ANXA4: variants seen among roughly 807,000 people sequenced by gnomAD.
ANXA4 encodes the protein annexin A4.
ANXA4 carries 39 observed loss-of-function variants against 49.8 expected under a neutral mutation model. The ratio of observed to expected loss-of-function variants is 0.78; its 90% CI spans 0.61 to 1.02. The LOEUF (loss-of-function observed/expected upper bound fraction) is 1.02. Among genes scored for constraint, ANXA4 ranks in the 50% least tolerant of loss-of-function variants. The probability of loss-of-function intolerance (pLI) is 0.00; values close to 1 mark genes in which losing one functional copy is unlikely to be tolerated. For missense variants in ANXA4, 360 were observed against 410.1 expected (o/e 0.88, Z 1.05); for synonymous variants, 134 against 152.5 (o/e 0.88, Z 0.89).
At chr2:69,713,476 A>G (rs1042745456) in intron 2 of ANXA4, 1 of 152,218 alleles carries the variant, frequency 6.6e-6, no homozygotes, top group African/African-American at 2.4e-5. Context: ...GCCAATCTCC[A>G]TGGTGTAAAA....
intron 5 of ANXA4, among the ~76,000 whole-genome samples, chr2:69,807,066 A>G (rs933642401): frequency 6.6e-6 from 1 of 152,230 alleles, no homozygotes; most frequent in African/African-American, 2.4e-5. Flanking sequence ...TGTAAAGTAT[A>G]GGAGATTTTC....
intron 3 of ANXA4, among the ~76,000 whole-genome samples, chr2:69,724,115 C>T (rs1319355803): frequency 6.6e-6 from 1 of 151,974 alleles, no homozygotes; most frequent in African/African-American, 2.4e-5. Flanking sequence ...AGTGAAACTC[C>T]ATCTCAAAAA....
At chr2:69,694,399 G>A (rs544275617) in intron 2 of ANXA4, among the ~76,000 whole-genome samples, 19 of 151,150 alleles carry the variant, frequency 1.3e-4, no homozygotes, top group African/African-American at 4.6e-4. Flanking sequence ...AAGTTTTAGG[G>A]TACATGTGCA....
rs567022845 is a variant in ANXA4, at chr2:69,758,398, G to A, written c.-47+16223G>A. Among the ~76,000 whole-genome samples, 286 of 152,088 alleles carry A rather than the reference G, an allele frequency of 1.9e-3. 1 individual carries two copies. The highest frequency in any genetic ancestry group is 6.5e-3 in the African/African-American group (268 of 41,512). On this transcript the variant is annotated intron_variant, in intron 1 of 12. Coordinates refer to ENST00000394295, the MANE Select transcript of ANXA4 (RefSeq NM_001153.5). The stretch of plus-strand genomic sequence containing the variant: ...TTGGGAGGCTGAGGCAGGAAGATTG[G>A]TTGAGGCCAGAAGCTTGAGACCAGC...
At chr2:69,664,788 T>C (rs1676874125) in intron 2 of ANXA4, among the ~76,000 whole-genome samples, 4 of 152,164 alleles carry the variant, frequency 2.6e-5, no homozygotes, top group Admixed American at 2.6e-4. Context: ...CGGACGGGTT[T>C]CTGTGACTGC....
At chr2:69,683,915 A>C (rs1369908950) in intron 2 of ANXA4, among the ~76,000 whole-genome samples, 1 of 152,234 alleles carries the variant, frequency 6.6e-6, no homozygotes, top group Non-Finnish European at 1.5e-5. Context: ...AACATTGTTC[A>C]CATTTTTTTG....
chr2:69,703,877 C>A (rs1573122471), intron 2 of ANXA4, among the ~76,000 whole-genome samples: 1 of 152,118 alleles, frequency 6.6e-6, no homozygotes, highest in East Asian at 1.9e-4. Context: ...TGGATTCAAG[C>A]CATCCTCCTA....
chr2:69,773,337 C>A (rs562912164), intron 1 of ANXA4, among the ~76,000 whole-genome samples: 20 of 152,290 alleles, frequency 1.3e-4, no homozygotes. Flanking sequence ...CCCTTCCCTG[C>A]CTCCTCACTT....
At chr2:69,731,636 CA>C (rs1670098627) in intron 3 of ANXA4, among the ~76,000 whole-genome samples, 1 of 151,358 alleles carries the variant, frequency 6.6e-6, no homozygotes, top group African/African-American at 2.5e-5. Context: ...GGCACAACCT[CA>C]AAAAGCAGAT....
At chr2:69,697,330 C>T (rs540330771) in intron 2 of ANXA4, among the ~76,000 whole-genome samples, 1 of 152,166 alleles carries the variant, frequency 6.6e-6, no homozygotes. Context: ...AGCTTCCTTA[C>T]GTCTCCCAGC....
chr2:69,793,020 A>G (rs966385373), intron 3 of ANXA4, among the ~76,000 whole-genome samples: 21 of 152,266 alleles, frequency 1.4e-4, no homozygotes, highest in East Asian at 1.9e-4. Flanking sequence ...TTGGGAGGCC[A>G]AGGCGGGCGG....
chr2:69,823,849 C>T (rs1247539402), intron 12 of ANXA4, among the ~76,000 whole-genome samples: 4 of 152,300 alleles, frequency 2.6e-5, no homozygotes, highest in Middle Eastern at 3.4e-3. Context: ...TTGAGCTTAA[C>T]AGATACTTAT....
In ANXA4 at chr2:69,792,497, C is replaced by A. The variant is rs183612633; in HGVS notation, c.97+4356C>A. 1.6e-3 allele frequency among the ~76,000 whole-genome samples: 250 copies of A among 152,192 alleles called. 1 individual carries two copies. The highest frequency in any genetic ancestry group is 5.8e-3 in the African/African-American group (240 of 41,546). ...AGAGTAGATTAGCATTTTAAGAAAA[C>A]CTTGCTGTGCTTTTATTTCAGTGAT... On this transcript the variant is annotated intron_variant, in intron 3 of 12. Transcript: ENST00000394295.
intron 1 of ANXA4, among the ~76,000 whole-genome samples, chr2:69,762,145 C>A (rs1234219685): frequency 6.6e-6 from 1 of 152,218 alleles, no homozygotes. Flanking sequence ...AATTTAGTTT[C>A]TCAGTCTCTC....
At chr2:69,693,354 A>G (rs1678039955) in intron 2 of ANXA4, among the ~76,000 whole-genome samples, 1 of 152,082 alleles carries the variant, frequency 6.6e-6, no homozygotes, top group Admixed American at 6.6e-5. Flanking sequence ...GGAGCAGCTA[A>G]CCAGGAAGAC....
chr2:69,786,259 A>C (rs1209883637), intron 2 of ANXA4, among the ~76,000 whole-genome samples: 1 of 152,094 alleles, frequency 6.6e-6, no homozygotes, highest in Non-Finnish European at 1.5e-5. Context: ...CTCACCTCCC[A>C]CGTCAGTCCA....
In ANXA4 at chr2:69,825,571, C is replaced by A; in HGVS notation, c.*56C>A. 2 of 1,311,292 alleles carry A rather than the reference C, an allele frequency of 1.5e-6. No individual in the cohort carries two copies. The highest frequency in any genetic ancestry group is 2.3e-5 in the East Asian group (1 of 43,122). 81.2% of individuals were successfully genotyped at this position (1,311,292 alleles called of 1,614,324 possible). On this transcript the variant is annotated 3_prime_UTR_variant, in exon 13 of 13. Coordinates refer to ENST00000394295, the MANE Select transcript of ANXA4 (RefSeq NM_001153.5). ...TCAACACTTTGAATTTTTTTAACTT[C>A]ATTTTTCTACACTGCTATTATCATT...
intron 2 of ANXA4, among the ~76,000 whole-genome samples, chr2:69,679,537 G>T (rs77861283): frequency 0.012 from 1,761 of 152,006 alleles, 30 homozygotes; most frequent in African/African-American, 0.039. Context: ...TTTTGTGGGG[G>T]TTTTTTTCTG....
intron 12 of ANXA4, 110 bp from the exon 13 acceptor site, chr2:69,825,346 T>A: frequency 1.2e-6 from 1 of 827,952 alleles, no homozygotes; most frequent in Non-Finnish European, 2.0e-6. Context: ...CAAAAAAAAT[T>A]TAAAGCTAAG....
Sources: allele counts gnomAD v4.1 joint callset (sites outside exome capture counted in the v4.1 genomes callset), GRCh38; gene constraint gnomAD v4.1.1; transcripts MANE v1.5; gene names NCBI Gene and HGNC (gene_info 2026-07-23, HGNC 2026-07-21).